OPTN: variants seen among roughly 807,000 people sequenced by gnomAD.
OPTN encodes the protein E3-14.7K-interacting protein.
A neutral mutation model predicts 70.4 loss-of-function variants in OPTN; 54 were observed. That is an observed-to-expected ratio of 0.77 (90% confidence interval 0.62 to 0.96). The LOEUF is 0.96. Among genes scored for constraint, OPTN ranks in the 40% least tolerant of loss-of-function variants. The pLI is 0.00. For synonymous variants in OPTN, 256 were observed against 248.5 expected (o/e 1.03, Z -0.28); for missense variants, 624 against 673.2 (o/e 0.93, Z 0.81).
rs200363633 is a variant in OPTN, at chr10:13,116,230, A to G, written c.553-37A>G. 5 of 1,283,766 alleles carry G rather than the reference A, an allele frequency of 3.9e-6. No homozygotes were observed. The East Asian group carries it at 1.2e-4, about 30-fold the overall frequency. The allele number at this position is 1,283,766 out of a possible 1,614,324, so 79.5% of individuals were successfully genotyped here. ...TTGACAAAGAATTTGTCTTGTAGAC[A>G]TATTGTGTTAAATCCCTTGCATTTC... is the stretch of plus-strand genomic sequence containing the variant. On this transcript the variant is annotated intron_variant, in intron 5 of 14. Transcript: ENST00000378747.
At chr10:13,115,102 T>A (rs1470282863) in intron 5 of OPTN, among the ~76,000 whole-genome samples, 53 of 94,686 alleles carry the variant, frequency 5.6e-4, no homozygotes, top group African/African-American at 6.4e-4. Context: ...TTTTATATAT[T>A]TTTATATATA....
chr10:13,111,627 G>C (rs1833000301), intron 4 of OPTN, among the ~76,000 whole-genome samples: 1 of 151,970 alleles, frequency 6.6e-6, no homozygotes, highest in Non-Finnish European at 1.5e-5. Context: ...AAACCCGAGA[G>C]GTGGAGGATG....
At chr10:13,130,000 TA>T (rs1387779827) in intron 12 of OPTN, among the ~76,000 whole-genome samples, 1 of 152,212 alleles carries the variant, frequency 6.6e-6, no homozygotes, top group Non-Finnish European at 1.5e-5. Flanking sequence ...CTTGCTTGGG[TA>T]ACTCATGTCA....
At chr10:13,113,646 G>A (rs982180603) in intron 5 of OPTN, among the ~76,000 whole-genome samples, 3 of 152,208 alleles carry the variant, frequency 2.0e-5, no homozygotes, top group Non-Finnish European at 4.4e-5. Flanking sequence ...TGCACCAGCT[G>A]GGGGCCTGTC....
In OPTN at chr10:13,122,826, G is replaced by A. The variant is rs140071551; in HGVS notation, c.882+339G>A. 608 of 316,464 alleles carry A rather than the reference G, an allele frequency of 1.9e-3. 4 individuals carry two copies. Among genetic ancestry groups the A allele is most frequent in the Middle Eastern group, 5.5e-3 (5 of 912 alleles). 19.6% of individuals were successfully genotyped at this position (316,464 alleles called of 1,614,324 possible). A position where few individuals can be genotyped will look rare whatever the true frequency, so the allele number is the denominator to read the frequency against. ...CAAGTAGCTGGGATTACAGGTGCCC[G>A]TCACCACGCCTGGCTAATTTTTGTA... On this transcript the variant is annotated intron_variant, in intron 8 of 14. Coordinates refer to ENST00000378747, the MANE Select transcript of OPTN (RefSeq NM_001008212.2).
chr10:13,127,950 G>A (rs115734023), intron 12 of OPTN, 47 bp downstream of exon 12: 12 of 1,595,418 alleles, frequency 7.5e-6, no homozygotes, highest in Admixed American at 6.7e-5. Flanking sequence ...AGCCCTGACT[G>A]TATTCTCGCA....
intron 3 of OPTN, 83 bp from the exon 4 acceptor site, chr10:13,110,191 C>G: frequency 6.4e-7 from 1 of 1,574,200 alleles, no homozygotes; most frequent in Non-Finnish European, 8.6e-7. Context: ...GCCATGTGGT[C>G]AAGTGGACTA....
chr10:13,115,108 A>G (rs1358745451), intron 5 of OPTN, among the ~76,000 whole-genome samples: 1 of 90,044 alleles, frequency 1.1e-5, no homozygotes, highest in Non-Finnish European at 1.9e-5. Context: ...ATATTTTTAT[A>G]TATATTATAT....
intron 6 of OPTN, among the ~76,000 whole-genome samples, chr10:13,118,585 A>T (rs1243290492): frequency 6.6e-6 from 1 of 152,138 alleles, no homozygotes; most frequent in Non-Finnish European, 1.5e-5. Context: ...CCTCTGCTGA[A>T]CTGTTCCGTG....
rs565890901 is a variant in OPTN, at chr10:13,117,327, G to A, written c.626+987G>A. Reference sequence around the variant, plus strand: ...GATCTCCTGACCTCGTGATCTGCCCGCCTTGGCCTCCCAAAGCGCTGGGAT... The same window carrying A: ...GATCTCCTGACCTCGTGATCTGCCCACCTTGGCCTCCCAAAGCGCTGGGAT... On this transcript the variant is annotated intron_variant, in intron 6 of 14. Coordinates refer to ENST00000378747, the MANE Select transcript of OPTN (RefSeq NM_001008212.2). 6.0e-5 allele frequency among the ~76,000 whole-genome samples: 9 copies of A among 150,892 alleles called. No individual in the cohort carries two copies. In the East Asian group the frequency reaches 1.2e-3, roughly 20 times the overall value.
At chr10:13,132,717 C>G (rs901768252) in intron 13 of OPTN, among the ~76,000 whole-genome samples, 1 of 151,974 alleles carries the variant, frequency 6.6e-6, no homozygotes, top group African/African-American at 2.4e-5. Context: ...ACCTATCTTG[C>G]CATCGTCACG....
intron 4 of OPTN, among the ~76,000 whole-genome samples, chr10:13,112,186 C>T (rs542041530): frequency 1.4e-5 from 2 of 144,788 alleles, no homozygotes; most frequent in Non-Finnish European, 3.0e-5. Context: ...AGGGTCTTGG[C>T]AGTCTTAAAC....
At chr10:13,119,144 G>GT (rs1564362008) in intron 7 of OPTN, 104 bp downstream of exon 7, 5 of 1,128,408 alleles carry the variant, frequency 4.4e-6, no homozygotes, top group South Asian at 4.1e-5. Context: ...ACATTTCAGT[G>GT]TTTTTTAGAA....
At chr10:13,133,344 T>C (rs1564369220) in intron 13 of OPTN, among the ~76,000 whole-genome samples, 158 bp from the exon 14 acceptor site, 1 of 152,236 alleles carries the variant, frequency 6.6e-6, no homozygotes, top group Non-Finnish European at 1.5e-5. Flanking sequence ...AGTCTCCTAG[T>C]GCCAATAGTA....
At chr10:13,123,765 T>G (rs1034319574) in intron 8 of OPTN, among the ~76,000 whole-genome samples, 1 of 152,214 alleles carries the variant, frequency 6.6e-6, no homozygotes, top group African/African-American at 2.4e-5. Context: ...CCAAATTGAT[T>G]AGTTCATGCT....
intron 3 of OPTN, 159 bp downstream of exon 3, chr10:13,109,447 G>A: frequency 1.5e-6 from 1 of 677,622 alleles, no homozygotes; most frequent in Non-Finnish European, 2.5e-6. Context: ...GGCTAAATCT[G>A]TTCTGATTTT....
Position 13,137,094 on chromosome 10 carries a change from C to A in OPTN, c.*228C>A. On this transcript the variant is annotated 3_prime_UTR_variant, in exon 15 of 15. Transcript: ENST00000378747. ...CAGGGTTTGAGACCAGCCTGGCCAACATGGCGGAACCCTGTCTCTACCAAA... is the reference window on the plus strand; with the variant it reads ...CAGGGTTTGAGACCAGCCTGGCCAAAATGGCGGAACCCTGTCTCTACCAAA... The A allele has an allele frequency of 1.9e-6, 1 of 539,116 alleles. No individual in the cohort carries two copies. Among genetic ancestry groups the A allele is most frequent in the Middle Eastern group, 5.2e-4 (1 of 1,920 alleles). The allele number at this position is 539,116 out of a possible 1,614,324, so 33.4% of individuals were successfully genotyped here.
intron 1 of OPTN, among the ~76,000 whole-genome samples, chr10:13,104,951 C>T (rs937559832): frequency 2.6e-5 from 4 of 151,454 alleles, no homozygotes; most frequent in African/African-American, 9.7e-5. Context: ...CGCCGACGTG[C>T]GAGCTCTGCT....
chr10:13,134,723 C>T (rs188603742), intron 14 of OPTN, among the ~76,000 whole-genome samples: 1 of 151,804 alleles, frequency 6.6e-6, no homozygotes, highest in African/African-American at 2.4e-5. Flanking sequence ...CCACCACGCC[C>T]GGCTAATTTG....
Sources: gnomAD v4.1 joint callset for allele counts (sites outside exome capture counted in the v4.1 genomes callset) on GRCh38, gnomAD v4.1.1 for gene constraint, MANE v1.5 for transcripts, NCBI Gene and HGNC (gene_info 2026-07-23, HGNC 2026-07-21) for gene names.